CLDN16: variants seen among roughly 807,000 people sequenced by gnomAD.
The protein encoded by CLDN16 is claudin 16.
CLDN16 carries 13 observed loss-of-function variants against 24.6 expected under a neutral mutation model. That is an observed-to-expected ratio of 0.53 (90% CI 0.34 to 0.84). The LOEUF (loss-of-function observed/expected upper bound fraction) is 0.84, where lower values mean the gene tolerates loss of function less well. CLDN16 is among the 40% of genes least tolerant of loss of function. The pLI is 0.01. For missense variants in CLDN16, 298 were observed against 292.7 expected, an observed-to-expected ratio of 1.02 and a Z score of -0.13; for synonymous variants, 116 against 106.7, an observed-to-expected ratio of 1.09 and a Z score of -0.54.
At chr3:190,378,211 G>A (rs571282142) in intron 3 of CLDN16, among the ~76,000 whole-genome samples, 34 of 151,990 alleles carry the variant, frequency 2.2e-4, no homozygotes, top group African/African-American at 7.5e-4. Flanking sequence ...AAAAGGTCAC[G>A]TATGAATGAG....
At chr3:190,296,194 T>C in the CLDN16 span, among the ~76,000 whole-genome samples, 3 of 152,230 alleles carry the variant, frequency 2.0e-5, no homozygotes, top group Non-Finnish European at 4.4e-5. Context: ...TACATAAACA[T>C]ATAAAATAGC....
At chr3:190,363,556 G>GCATATATATATA (rs1560088011) in intron 1 of CLDN16, among the ~76,000 whole-genome samples, 1 of 87,400 alleles carries the variant, frequency 1.1e-5, no homozygotes, top group African/African-American at 4.7e-5. Flanking sequence ...GTGTGTGTGT[G>GCATATATATATA]TATATATATA....
chr3:190,373,241 G>GAAGC (rs10659925), intron 2 of CLDN16, among the ~76,000 whole-genome samples: 75,267 of 151,428 alleles, frequency 0.5, 19,097 homozygotes, highest in East Asian at 0.8. Context: ...AGCAGGGGTT[G>GAAGC]CAGGGTTTCT....
At chr3:190,347,750 A>T (rs886130144) in intron 1 of CLDN16, among the ~76,000 whole-genome samples, 28 of 152,176 alleles carry the variant, frequency 1.8e-4, no homozygotes. Flanking sequence ...TACCTTCTTC[A>T]GTTTGGAGGA....
chr3:190,335,584 T>C (rs1419608175), intron 1 of CLDN16, among the ~76,000 whole-genome samples: 2 of 151,798 alleles, frequency 1.3e-5, no homozygotes, highest in African/African-American at 4.8e-5. Flanking sequence ...TGGTGGTGCA[T>C]GCCTGTAGCC....
At chr3:190,305,439 T>C in the CLDN16 span, among the ~76,000 whole-genome samples, 5 of 152,346 alleles carry the variant, frequency 3.3e-5, no homozygotes, top group South Asian at 8.3e-4. Context: ...TATCTTATCA[T>C]TTATTATTGT....
upstream of CLDN16, among the ~76,000 whole-genome samples, chr3:190,384,364 T>G (rs949758397): frequency 2.4e-4 from 36 of 152,144 alleles, no homozygotes; most frequent in African/African-American, 8.4e-4. Context: ...GAGCTTGCTG[T>G]TCTGTTTAAC....
chr3:190,409,965 T>G lies in CLDN16; in HGVS notation c.637T>G (p.Ser213Ala). Residue 213 changes from serine (S) to alanine (A), a missense_variant, in exon 5 of 5, where the codon TCC (serine) becomes GCC (alanine). Transcript: ENST00000264734. ...GAAAGCCTATTCAGCCGCGGGTGTT[T>G]CCATGGCCAAGTCATACTCAGCCCC... ...LRKAYSAAGV[S>A]MAKSYSAPRT... is the part of the protein sequence containing the mutation. The G allele has an allele frequency of 6.2e-7, 1 of 1,614,058 alleles. No homozygotes were observed. The highest frequency in any genetic ancestry group is 8.5e-7 in the Non-Finnish European group (1 of 1,179,964).
chr3:190,308,240 G>T, the CLDN16 span: 2 of 1,611,636 alleles, frequency 1.2e-6, no homozygotes, highest in South Asian at 2.2e-5. Context: ...TCCATTTTCG[G>T]TTTGTTTCAA....
intron 3 of CLDN16, among the ~76,000 whole-genome samples, chr3:190,405,451 A>T (rs1350446881): frequency 6.7e-6 from 1 of 150,180 alleles, no homozygotes; most frequent in Non-Finnish European, 1.5e-5. Flanking sequence ...AAAAAAAGGA[A>T]ATAAAGAAAA....
chr3:190,323,176 G>A (rs1716981761), intron 1 of CLDN16, among the ~76,000 whole-genome samples: 3 of 152,130 alleles, frequency 2.0e-5, no homozygotes, highest in Non-Finnish European at 4.4e-5. Context: ...CAGGCTAGCA[G>A]CCCTTCCCCG....
At chr3:190,320,139 A>G (rs1716880912), upstream of CLDN16, among the ~76,000 whole-genome samples, 1 of 152,248 alleles carries the variant, frequency 6.6e-6, no homozygotes, top group African/African-American at 2.4e-5. Context: ...TTAACCAAAA[A>G]ATGAAAGTAA....
In CLDN16 at chr3:190,404,865, T is replaced by G; in HGVS notation, c.321T>G (p.Pro107=). 1 of 1,614,144 alleles carries G rather than the reference T, an allele frequency of 6.2e-7. No homozygotes were observed. Reference sequence around the variant, plus strand: ...GTCTTGACTGCGTGAAATTCCTCCCTGATGAGCCGTACATTAAAGTCCGCA... The same window carrying G: ...GTCTTGACTGCGTGAAATTCCTCCCGGATGAGCCGTACATTAAAGTCCGCA... The part of the protein sequence containing the change: ...LLGLDCVKFL[P]DEPYIKVRIC... Residue 107 remains proline (P), a synonymous_variant, in exon 3 of 5, where the codon CCT becomes CCG. Transcript: ENST00000264734.
chr3:190,327,125 T>C (rs1717081291), intron 1 of CLDN16, among the ~76,000 whole-genome samples: 1 of 152,100 alleles, frequency 6.6e-6, no homozygotes, highest in Non-Finnish European at 1.5e-5. Context: ...TTGTGGGAGC[T>C]GCCAAATTCA....
chr3:190,327,078 G>A (rs1434124970), intron 1 of CLDN16, among the ~76,000 whole-genome samples: 2 of 152,142 alleles, frequency 1.3e-5, no homozygotes, highest in Non-Finnish European at 2.9e-5. Context: ...GAGGAAGGGA[G>A]AGACAGAGAT....
At chr3:190,324,964 C>T (rs972638665) in intron 1 of CLDN16, among the ~76,000 whole-genome samples, 3 of 152,300 alleles carry the variant, frequency 2.0e-5, no homozygotes, top group Non-Finnish European at 4.4e-5. Flanking sequence ...GTGTCCTAGC[C>T]TGTTGAGTAG....
the CLDN16 span, among the ~76,000 whole-genome samples, chr3:190,298,377 C>CT: frequency 8.0e-3 from 760 of 95,490 alleles, 29 homozygotes; most frequent in South Asian, 0.11. Flanking sequence ...ACACACACAC[C>CT]TTAACAATGT....
chr3:190,320,365 C>T (rs535150466), upstream of CLDN16, among the ~76,000 whole-genome samples: 2 of 152,280 alleles, frequency 1.3e-5, no homozygotes, highest in African/African-American at 4.8e-5. Flanking sequence ...AACGTGGTAC[C>T]TAAAATGCCT....
chr3:190,386,232 C>T (rs1002148308), upstream of CLDN16, among the ~76,000 whole-genome samples: 4 of 152,134 alleles, frequency 2.6e-5, no homozygotes, highest in African/African-American at 9.7e-5. Context: ...TGTTTGTATT[C>T]CGTGGGCAAT....
Sources: allele counts gnomAD v4.1 joint callset (sites outside exome capture counted in the v4.1 genomes callset), GRCh38; gene constraint gnomAD v4.1.1; transcripts MANE v1.5; gene names NCBI Gene and HGNC (gene_info 2026-07-23, HGNC 2026-07-21).